The following PTPRD variants were observed in gnomAD, a reference collection of about 807,000 sequenced individuals.
PTPRD encodes receptor-type tyrosine-protein phosphatase delta.
PTPRD carries 34 observed loss-of-function variants against 214.5 expected under a neutral mutation model. That is an observed-to-expected ratio of 0.16 (90% CI 0.12 to 0.21). PTPRD has a LOEUF of 0.21. PTPRD is among the 10% of genes least tolerant of loss of function. The pLI is 1.00. For synonymous variants in PTPRD, 1,128 were observed against 845.7 expected, an observed-to-expected ratio of 1.33 and a Z score of -5.79; for missense variants, 2,545 against 2,398.7, an observed-to-expected ratio of 1.06 and a Z score of -1.27.
chr9:9,317,758 C>T (rs778162034), intron 9 of PTPRD, among the ~76,000 whole-genome samples: 3 of 152,062 alleles, frequency 2.0e-5, no homozygotes, highest in Non-Finnish European at 4.4e-5. Flanking sequence ...AGCCATGGAT[C>T]ACCACAGATA....
At chr9:10,323,174 CTT>C (rs1219030455) in intron 3 of PTPRD, among the ~76,000 whole-genome samples, 1 of 145,786 alleles carries the variant, frequency 6.9e-6, no homozygotes, top group Non-Finnish European at 1.5e-5. Flanking sequence ...TTCTTTCTCT[CTT>C]TCTTTTCTTT....
At chr9:10,553,036 A>T (rs1418363898) in intron 2 of PTPRD, among the ~76,000 whole-genome samples, 1 of 152,186 alleles carries the variant, frequency 6.6e-6, no homozygotes, top group African/African-American at 2.4e-5. Flanking sequence ...CAGCTGAGGC[A>T]GTCTGTGCCT....
At chr9:8,783,276 T>C (rs548688727) in intron 11 of PTPRD, among the ~76,000 whole-genome samples, 20 of 152,156 alleles carry the variant, frequency 1.3e-4, no homozygotes, top group Non-Finnish European at 2.8e-4. Context: ...ATGACATAAA[T>C]AGAGCACAAT....
intron 4 of PTPRD, among the ~76,000 whole-genome samples, chr9:10,025,603 G>T (rs1170025636): frequency 6.6e-6 from 1 of 152,122 alleles, no homozygotes; most frequent in East Asian, 1.9e-4. Flanking sequence ...TGGGTGTTTG[G>T]CTGAGCACAT....
chr9:8,753,982 T>G (rs771289014), intron 11 of PTPRD, among the ~76,000 whole-genome samples: 62 of 152,060 alleles, frequency 4.1e-4, no homozygotes, highest in Admixed American at 2.3e-3. Context: ...CGGTCTCTAC[T>G]AAAAATACAA....
At chr9:10,073,465 T>C (rs1405657163) in intron 3 of PTPRD, among the ~76,000 whole-genome samples, 1 of 152,096 alleles carries the variant, frequency 6.6e-6, no homozygotes, top group Non-Finnish European at 1.5e-5. Context: ...AAAACGGTAT[T>C]CTGGATGTGA....
At chr9:8,962,374 G>A (rs1354704489) in intron 11 of PTPRD, among the ~76,000 whole-genome samples, 1 of 152,068 alleles carries the variant, frequency 6.6e-6, no homozygotes, top group East Asian at 1.9e-4. Context: ...GCCACCTTGG[G>A]ACTTTCCTAT....
At chr9:8,324,165 T>C (rs1831224595) in intron 44 of PTPRD, among the ~76,000 whole-genome samples, 1 of 151,688 alleles carries the variant, frequency 6.6e-6, no homozygotes, top group Non-Finnish European at 1.5e-5. Flanking sequence ...GTTTGTTACA[T>C]AGGTATAAAT....
intron 9 of PTPRD, among the ~76,000 whole-genome samples, chr9:9,264,209 A>C (rs1937875383): frequency 6.6e-6 from 1 of 151,652 alleles, no homozygotes; most frequent in Admixed American, 6.6e-5. Context: ...TCCAACCTAA[A>C]AGAATTGGAC....
chr9:10,090,917 TATAC>T (rs775547147), intron 3 of PTPRD, among the ~76,000 whole-genome samples: 895 of 52,996 alleles, frequency 0.017, 16 homozygotes, highest in African/African-American at 0.069. Flanking sequence ...ATAAATGAAA[TATAC>T]ACACACACAC....
chr9:8,672,229 C>G (rs376799502), intron 12 of PTPRD, among the ~76,000 whole-genome samples: 24 of 152,040 alleles, frequency 1.6e-4, no homozygotes, highest in African/African-American at 4.8e-4. Context: ...TTCGCTGAGA[C>G]GTGAAAATAA....
At chr9:8,824,672 G>A in intron 11 of PTPRD, among the ~76,000 whole-genome samples, 1 of 152,084 alleles carries the variant, frequency 6.6e-6, no homozygotes, top group East Asian at 1.9e-4. Flanking sequence ...GCTGATACCG[G>A]GTTGTCAGCT....
At chr9:8,531,330 G>A (rs545504476) in intron 14 of PTPRD, among the ~76,000 whole-genome samples, 1 of 152,142 alleles carries the variant, frequency 6.6e-6, no homozygotes, top group South Asian at 2.1e-4. Context: ...TGGCTTTAAA[G>A]GTTTTGCCAA....
intron 4 of PTPRD, among the ~76,000 whole-genome samples, chr9:9,967,657 A>G (rs1016022269): frequency 6.6e-6 from 1 of 152,194 alleles, no homozygotes; most frequent in Admixed American, 6.5e-5. Context: ...AAGTTGTATT[A>G]GGATTAAAAC....
intron 9 of PTPRD, among the ~76,000 whole-genome samples, chr9:9,202,163 G>T (rs1429919069): frequency 6.6e-6 from 1 of 152,176 alleles, no homozygotes; most frequent in East Asian, 1.9e-4. Context: ...TGTTTGGAAA[G>T]CCTAGACAGT....
At chr9:8,476,808 C>T (rs770450038) in intron 30 of PTPRD, among the ~76,000 whole-genome samples, 5 of 152,114 alleles carry the variant, frequency 3.3e-5, no homozygotes, top group Admixed American at 3.3e-4. Flanking sequence ...GGAATTAATG[C>T]CTCTCCTAAG....
At chr9:9,365,666 G>C (rs932365880) in intron 9 of PTPRD, among the ~76,000 whole-genome samples, 2 of 151,376 alleles carry the variant, frequency 1.3e-5, no homozygotes, top group Admixed American at 1.3e-4. Context: ...AAAGATTATA[G>C]ACTATTAAAT....
At chr9:9,062,742 A>G (rs1301848079) in intron 10 of PTPRD, among the ~76,000 whole-genome samples, 2 of 152,200 alleles carry the variant, frequency 1.3e-5, no homozygotes, top group Non-Finnish European at 2.9e-5. Flanking sequence ...CTGTGTAAAT[A>G]TCATATGGCT....
intron 11 of PTPRD, among the ~76,000 whole-genome samples, chr9:8,801,938 G>C (rs2096580183): frequency 6.6e-6 from 1 of 152,104 alleles, no homozygotes; most frequent in Admixed American, 6.6e-5. Flanking sequence ...GATGGGAGAG[G>C]AGGGAAATGT....
Sources: gnomAD v4.1 joint callset for allele counts (sites outside exome capture counted in the v4.1 genomes callset) on GRCh38, gnomAD v4.1.1 for gene constraint, MANE v1.5 for transcripts, NCBI Gene and HGNC (gene_info 2026-07-23, HGNC 2026-07-21) for gene names.